Variants in CLRN2 observed in about 807,000 individuals in gnomAD.
The protein encoded by CLRN2 is clarin 2.
Under a neutral mutation model 20.1 loss-of-function variants are expected in CLRN2, and 17 were observed. That is an observed-to-expected ratio of 0.85 (90% CI 0.58 to 1.27). CLRN2 has a LOEUF of 1.27. Ranked by LOEUF, CLRN2 falls within the 50% of genes most tolerant of loss-of-function variation. The pLI is 0.00. For missense variants in CLRN2, 288 were observed against 299.5 expected, an observed-to-expected ratio of 0.96 and a Z score of 0.28; for synonymous variants, 140 against 126.9, an observed-to-expected ratio of 1.10 and a Z score of -0.70.
rs1406908834 is a variant in CLRN2 at position 17,515,500 on chromosome 4, C to A, written c.234C>A (p.Gly78=). The A allele has an allele frequency of 6.2e-7, 1 of 1,613,774 alleles. No homozygotes were observed. Among genetic ancestry groups the A allele is most frequent in the South Asian group, 1.1e-5 (1 of 91,058 alleles). The part of the protein sequence containing the change: ...GCKVRQCGLG[G]RQSQFTIFPH... ...AAGTGCGGCAGTGTGGGCTTGGGGG[C>A]CGCCAATCCCAATTCACGAGTGAGT... The change falls in exon 1 of 3, where the codon GGC becomes GGA. Residue 78 remains glycine, a synonymous_variant. Coordinates refer to ENST00000511148, the MANE Select transcript of CLRN2 (RefSeq NM_001079827.2).
chr4:17,515,858 A>G (rs184635162), intron 1 of CLRN2, among the ~76,000 whole-genome samples: 32 of 152,334 alleles, frequency 2.1e-4, no homozygotes, highest in Admixed American at 1.8e-3. Flanking sequence ...AAAGCCTTAC[A>G]ACAAAGTTAT....
At chr4:17,518,805 T>C (rs1312784957) in intron 1 of CLRN2, among the ~76,000 whole-genome samples, 3 of 151,426 alleles carry the variant, frequency 2.0e-5, no homozygotes, top group Non-Finnish European at 4.4e-5. Flanking sequence ...ATTTACCATC[T>C]GATAAAGGAG....
Position 17,515,376 on chromosome 4 carries a change from A to G in CLRN2, c.110A>G (p.Lys37Arg). The G allele has an allele frequency of 6.2e-7, 1 of 1,613,974 alleles. No individual in the cohort carries two copies. The highest frequency in any genetic ancestry group is 8.5e-7 in the Non-Finnish European group (1 of 1,179,890). ...GTAGTGCCCCACTGGCTGAGTGGGA[A>G]AATCCTTTGTCAGACTGGAGTGGAT... Reference protein sequence around the residue: ...ALVVPHWLSGKILCQTGVDLV... With the variant: ...ALVVPHWLSGRILCQTGVDLV... The change falls in exon 1 of 3, where the codon AAA (lysine) becomes AGA (arginine). Residue 37 changes from lysine (K) to arginine (R), a missense_variant. By Grantham distance (26) the Lys-to-Arg change is conservative. Transcript: ENST00000511148.
Position 17,515,258 on chromosome 4 carries a change from C to G in CLRN2, c.-9C>G. 1.2e-6 allele frequency: 2 copies of G among 1,612,996 alleles called. No individual in the cohort carries two copies. Among genetic ancestry groups the G allele is most frequent in the Non-Finnish European group, 1.7e-6 (2 of 1,179,574 alleles). The stretch of plus-strand genomic sequence containing the variant: ...TCGGAGACCTTGGGGATGACCTGCA[C>G]CCACTAGCATGCCTGGATGGTTCAA... On this transcript the variant is annotated 5_prime_UTR_variant, in exon 1 of 3. Coordinates refer to ENST00000511148, the MANE Select transcript of CLRN2 (RefSeq NM_001079827.2).
At position 17,522,165 on chromosome 4, in the gene CLRN2, G is replaced by A. The variant is rs115074032; in HGVS notation, c.254-699G>A. 2.7e-3 allele frequency among the ~76,000 whole-genome samples: 417 copies of A among 152,316 alleles called. 1 individual carries two copies. The highest frequency in any genetic ancestry group is 9.6e-3 in the African/African-American group (400 of 41,574). On this transcript the variant is annotated intron_variant, in intron 1 of 2. Coordinates refer to ENST00000511148, the MANE Select transcript of CLRN2 (RefSeq NM_001079827.2). ...ATTGAACAAGATGACGATGTAAAAT[G>A]TTTGGCCCATGACTGCACTTAGTAA...
intron 2 of CLRN2, 140 bp downstream of exon 2, chr4:17,523,183 GC>G: frequency 1.9e-6 from 1 of 526,208 alleles, no homozygotes; most frequent in Non-Finnish European, 3.3e-6. Context: ...TTCTTGATGG[GC>G]ATGGAATGAA....
intron 2 of CLRN2, among the ~76,000 whole-genome samples, chr4:17,523,425 G>A (rs761251013): frequency 3.4e-4 from 52 of 151,912 alleles, no homozygotes; most frequent in Non-Finnish European, 6.6e-4. Flanking sequence ...ATGTTGCCCA[G>A]GCTAGTCTCA....
At position 17,515,169 on chromosome 4, in the gene CLRN2, A is replaced by C; in HGVS notation, c.-98A>C. ...ACAACCTTGAAACAGAGTGTTTGGA[A>C]GAGCTGACCTTGGAGCAGAGCATTG... On this transcript the variant is annotated 5_prime_UTR_variant, in exon 1 of 3. Coordinates refer to ENST00000511148, the MANE Select transcript of CLRN2 (RefSeq NM_001079827.2). 1.5e-5 allele frequency: 22 copies of C among 1,467,684 alleles called. No homozygotes were observed. The highest frequency in any genetic ancestry group is 1.9e-5 in the Non-Finnish European group (21 of 1,077,122). The allele number at this position is 1,467,684 out of a possible 1,614,324, so 90.9% of individuals were successfully genotyped here. A position where few individuals can be genotyped will look rare whatever the true frequency, so the allele number is the denominator to read the frequency against.
In CLRN2 at chr4:17,526,924, G is replaced by C. The variant is rs1711992146; in HGVS notation, c.541G>C (p.Val181Leu). The change falls in exon 3 of 3, where the codon GTG (valine) becomes CTG (leucine). Residue 181 changes from valine to leucine, a missense_variant. Coordinates refer to ENST00000511148, the MANE Select transcript of CLRN2 (RefSeq NM_001079827.2). ...GGAGAAGCTCTTCCAGTTTGTGGTG[G>C]TGGAAGAACAGTATGAAGAGTCGTT... is the stretch of plus-strand genomic sequence containing the variant. ...FQEKLFQFVV[V>L]EEQYEESFWI... 1 of 1,613,920 alleles carries C rather than the reference G, an allele frequency of 6.2e-7. No homozygotes were observed. Among genetic ancestry groups the C allele is most frequent in the African/African-American group, 1.3e-5 (1 of 74,932 alleles).
chr4:17,516,969 G>A (rs1377455576), intron 1 of CLRN2, among the ~76,000 whole-genome samples: 1 of 152,322 alleles, frequency 6.6e-6, no homozygotes, highest in African/African-American at 2.4e-5. Flanking sequence ...GTGATTGTCC[G>A]CTATCTCAAT....
intron 1 of CLRN2, among the ~76,000 whole-genome samples, chr4:17,519,955 C>G (rs1230804583): frequency 6.6e-6 from 1 of 152,170 alleles, no homozygotes; most frequent in East Asian, 1.9e-4. Context: ...GCAATCCCCC[C>G]ATAATGGCTC....
intron 2 of CLRN2, among the ~76,000 whole-genome samples, chr4:17,523,457 C>T (rs766757090): frequency 2.6e-5 from 4 of 152,034 alleles, no homozygotes; most frequent in Non-Finnish European, 5.9e-5. Context: ...TCAAGGGATC[C>T]ACCTGTCTTA....
rs1360433158 is a variant in CLRN2, at chr4:17,524,281, T to C, written c.433+1238T>C. Among the ~76,000 whole-genome samples, 4 of 151,618 alleles carry C rather than the reference T, an allele frequency of 2.6e-5. No individual in the cohort carries two copies. In the South Asian group the frequency reaches 6.3e-4, roughly 24 times the overall value. On this transcript the variant is annotated intron_variant, in intron 2 of 2. Coordinates refer to ENST00000511148, the MANE Select transcript of CLRN2 (RefSeq NM_001079827.2). ...GAGTATATTGATGCACAGAAATTAA[T>C]TCACATTTAATTATGCACTTAACAA...
At chr4:17,515,620 G>A (rs1007882627) in intron 1 of CLRN2, 101 bp downstream of exon 1, 23 of 1,324,800 alleles carry the variant, frequency 1.7e-5, no homozygotes, top group Non-Finnish European at 2.1e-5. Context: ...CTGCCTCAAC[G>A]TCAGGCATAA....
chr4:17,515,250 G>A lies in CLRN2; in HGVS notation c.-17G>A. The A allele has an allele frequency of 6.2e-7, 1 of 1,612,364 alleles. No homozygotes were observed. The highest frequency in any genetic ancestry group is 2.2e-5 in the East Asian group (1 of 44,852). ...GCTGCTGCTCGGAGACCTTGGGGATGACCTGCACCCACTAGCATGCCTGGA... is the reference window on the plus strand; with the variant it reads ...GCTGCTGCTCGGAGACCTTGGGGATAACCTGCACCCACTAGCATGCCTGGA... On this transcript the variant is annotated 5_prime_UTR_variant, in exon 1 of 3. The change abolishes an upstream ATG in the 5' untranslated region. Transcript: ENST00000511148.
intron 1 of CLRN2, among the ~76,000 whole-genome samples, chr4:17,517,428 G>A (rs558163584): frequency 2.6e-5 from 4 of 152,290 alleles, no homozygotes; most frequent in Admixed American, 6.5e-5. Flanking sequence ...CAGGTAAATC[G>A]TTGAAACTTG....
intron 2 of CLRN2, among the ~76,000 whole-genome samples, chr4:17,524,973 C>A (rs1357331009): frequency 3.3e-5 from 5 of 151,998 alleles, no homozygotes; most frequent in Non-Finnish European, 5.9e-5. Context: ...ACAGGCAAAG[C>A]TTTATGTCTT....
At chr4:17,525,118 T>TA (rs1711943207) in intron 2 of CLRN2, among the ~76,000 whole-genome samples, 2 of 152,132 alleles carry the variant, frequency 1.3e-5, no homozygotes, top group South Asian at 4.1e-4. Context: ...GCTAAGGAAA[T>TA]ACTGGACAAG....
chr4:17,519,446 CT>C (rs1463785285), intron 1 of CLRN2, among the ~76,000 whole-genome samples: 1 of 152,200 alleles, frequency 6.6e-6, no homozygotes, highest in Admixed American at 6.5e-5. Flanking sequence ...TGACACTTTT[CT>C]TGCTGTGGGA....
Sources: allele counts gnomAD v4.1 joint callset (sites outside exome capture counted in the v4.1 genomes callset), GRCh38; gene constraint gnomAD v4.1.1; transcripts MANE v1.5; gene names NCBI Gene and HGNC (gene_info 2026-07-23, HGNC 2026-07-21).